The following GPR149 variants were observed in gnomAD, a reference collection of about 807,000 sequenced individuals.
GPR149 encodes G protein-coupled receptor 149.
Under a neutral mutation model 50.2 loss-of-function variants are expected in GPR149, and 50 were observed. The ratio of observed to expected loss-of-function variants is 1.00; its 90% confidence interval spans 0.79 to 1.26. The LOEUF (loss-of-function observed/expected upper bound fraction) is 1.26, where lower values mean the gene tolerates loss of function less well. Among genes scored for constraint, GPR149 ranks in the 50% most tolerant of loss-of-function variants. The pLI, the probability that GPR149 is intolerant of heterozygous loss-of-function variation, is 0.00. For synonymous variants in GPR149, 405 were observed against 358.2 expected, an observed-to-expected ratio of 1.13 and a Z score of -1.48; for missense variants, 983 against 895.4, an observed-to-expected ratio of 1.10 and a Z score of -1.25.
chr3:154,356,094 T>A (rs1404125781), intron 3 of GPR149, among the ~76,000 whole-genome samples: 1 of 152,170 alleles, frequency 6.6e-6, no homozygotes, highest in Non-Finnish European at 1.5e-5. Flanking sequence ...CTTGGGACCT[T>A]CCTGGTGTGA....
chr3:154,341,247 G>T (rs1043370966), intron 3 of GPR149, among the ~76,000 whole-genome samples: 6 of 135,880 alleles, frequency 4.4e-5, no homozygotes, highest in Non-Finnish European at 7.7e-5. Flanking sequence ...GTCTAACATT[G>T]TTCTGGAGGT....
Position 154,428,721 on chromosome 3 carries a change from T to C in GPR149, c.895A>G (p.Thr299Ala), listed in dbSNP as rs766813469. ...RRENRGTLYG[T>A]RSFTVSVAQK... ...GCTACGCTCACGGTGAAGCTCCTGGTGCCATAGAGAGTCCCCCGGTTCTCA... is the reference window on the plus strand; with the variant it reads ...GCTACGCTCACGGTGAAGCTCCTGGCGCCATAGAGAGTCCCCCGGTTCTCA... The change falls in exon 1 of 4, where the codon ACC becomes GCC. Residue 299 changes from threonine (T) to alanine (A), a missense_variant. Thr to Ala is a moderately conservative substitution (Grantham distance 58). Coordinates refer to ENST00000389740, the MANE Select transcript of GPR149 (RefSeq NM_001038705.3). 1.2e-6 allele frequency: 2 copies of C among 1,614,122 alleles called. No homozygotes were observed. Among genetic ancestry groups the C allele is most frequent in the South Asian group, 2.2e-5 (2 of 91,080 alleles).
chr3:154,399,938 T>C (rs1711509632), intron 3 of GPR149, among the ~76,000 whole-genome samples: 1 of 152,218 alleles, frequency 6.6e-6, no homozygotes, highest in African/African-American at 2.4e-5. Context: ...TCAATAGTAC[T>C]TCTGTACTAT....
chr3:154,428,663 G>T lies in GPR149; in HGVS notation c.953C>A (p.Thr318Lys). The change falls in exon 1 of 4, where the codon ACA (threonine) becomes AAA (lysine). Residue 318 changes from threonine to lysine, a missense_variant. Transcript: ENST00000389740. ...QKRFALILALTKVVLWLPMMM... is the reference protein window; with the variant it reads ...QKRFALILALKKVVLWLPMMM... ...CATGGGCAGCCAAAGGACGACTTTT[G>T]TAAGCGCTAGGATCAAAGCGAAGCG... 1 of 1,612,108 alleles carries T rather than the reference G, an allele frequency of 6.2e-7. No individual in the cohort carries two copies. Among genetic ancestry groups the T allele is most frequent in the South Asian group, 1.1e-5 (1 of 90,746 alleles).
intron 2 of GPR149, among the ~76,000 whole-genome samples, chr3:154,423,920 A>T (rs1282884854): frequency 1.3e-5 from 2 of 151,816 alleles, no homozygotes; most frequent in African/African-American, 4.8e-5. Flanking sequence ...ACATATGTAT[A>T]CATGTGCCAT....
At chr3:154,388,228 T>A (rs1001933731) in intron 3 of GPR149, among the ~76,000 whole-genome samples, 2 of 152,180 alleles carry the variant, frequency 1.3e-5, no homozygotes, top group Non-Finnish European at 2.9e-5. Context: ...ATTTACTGTT[T>A]TTTCATCTAT....
intron 3 of GPR149, among the ~76,000 whole-genome samples, chr3:154,384,009 T>C (rs906889981): frequency 2.0e-5 from 3 of 152,176 alleles, no homozygotes; most frequent in African/African-American, 7.2e-5. Context: ...TTGTTGTTTT[T>C]AAGCTATTCG....
At chr3:154,367,442 C>T (rs1489093878) in intron 3 of GPR149, among the ~76,000 whole-genome samples, 2 of 152,064 alleles carry the variant, frequency 1.3e-5, no homozygotes, top group East Asian at 1.9e-4. Flanking sequence ...TTTGTTAAGT[C>T]CTGTGAGATC....
intron 3 of GPR149, among the ~76,000 whole-genome samples, chr3:154,374,046 G>C (rs1381390173): frequency 6.6e-6 from 1 of 152,080 alleles, no homozygotes; most frequent in African/African-American, 2.4e-5. Flanking sequence ...TGGGTGCTTA[G>C]AGTTTGTTTT....
At chr3:154,362,307 A>C (rs1170590257) in intron 3 of GPR149, among the ~76,000 whole-genome samples, 1 of 151,524 alleles carries the variant, frequency 6.6e-6, no homozygotes, top group African/African-American at 2.4e-5. Flanking sequence ...AAAAAAAAAA[A>C]AATGACAGAG....
chr3:154,420,673 G>A (rs1712116799), intron 3 of GPR149, among the ~76,000 whole-genome samples: 1 of 151,818 alleles, frequency 6.6e-6, no homozygotes, highest in Non-Finnish European at 1.5e-5. Context: ...GAGACTTAAG[G>A]TATACCTTTG....
At chr3:154,380,214 T>C (rs2689328) in intron 3 of GPR149, among the ~76,000 whole-genome samples, 116,405 of 150,388 alleles carry the variant, frequency 0.77, 45,904 homozygotes, top group Middle Eastern at 0.91. Flanking sequence ...GAGAGAGAAT[T>C]TTCCATTGGC....
intron 3 of GPR149, among the ~76,000 whole-genome samples, chr3:154,394,238 T>C (rs956390308): frequency 6.6e-6 from 1 of 152,016 alleles, no homozygotes; most frequent in Non-Finnish European, 1.5e-5. Flanking sequence ...TGGAACAGAA[T>C]AGAGAGCCTA....
chr3:154,416,437 G>A (rs574803064), intron 3 of GPR149, among the ~76,000 whole-genome samples: 1 of 151,776 alleles, frequency 6.6e-6, no homozygotes, highest in African/African-American at 2.4e-5. Flanking sequence ...ATTTTAATAA[G>A]ATACCCATTT....
At chr3:154,410,377 C>T (rs772484891) in intron 3 of GPR149, among the ~76,000 whole-genome samples, 15 of 152,136 alleles carry the variant, frequency 9.9e-5, no homozygotes, top group Non-Finnish European at 2.1e-4. Context: ...TAGTACCTCA[C>T]GTCTCAATAC....
intron 3 of GPR149, among the ~76,000 whole-genome samples, chr3:154,360,610 G>A (rs1341312935): frequency 6.6e-6 from 1 of 152,180 alleles, no homozygotes; most frequent in East Asian, 1.9e-4. Context: ...GAAAAAAATA[G>A]ATAGTACAAT....
intron 3 of GPR149, among the ~76,000 whole-genome samples, chr3:154,365,149 T>C (rs1026098420): frequency 6.6e-6 from 1 of 152,174 alleles, no homozygotes; most frequent in Non-Finnish European, 1.5e-5. Flanking sequence ...CTTTGCATGC[T>C]TGCAATCTTA....
At chr3:154,402,526 G>T (rs1057103735) in intron 3 of GPR149, among the ~76,000 whole-genome samples, 2 of 152,146 alleles carry the variant, frequency 1.3e-5, no homozygotes, top group African/African-American at 4.8e-5. Context: ...AAAGATCCAT[G>T]AAAGTTTCAA....
chr3:154,356,062 A>G (rs1234694114), intron 3 of GPR149, among the ~76,000 whole-genome samples: 1 of 152,230 alleles, frequency 6.6e-6, no homozygotes, highest in African/African-American at 2.4e-5. Flanking sequence ...GGCTAGTGAC[A>G]GGGAATAAGA....
Sources: gnomAD v4.1 joint callset for allele counts (sites outside exome capture counted in the v4.1 genomes callset) on GRCh38, gnomAD v4.1.1 for gene constraint, MANE v1.5 for transcripts, NCBI Gene and HGNC (gene_info 2026-07-23, HGNC 2026-07-21) for gene names.